The following RYR3 variants were observed in gnomAD, a reference collection of about 807,000 sequenced individuals.
The protein encoded by RYR3 is brain ryanodine receptor-calcium release channel.
RYR3 carries 207 observed loss-of-function variants against 584.3 expected under a neutral mutation model. The observed-to-expected ratio is 0.35, with a 90% CI of 0.32 to 0.40. The LOEUF (loss-of-function observed/expected upper bound fraction) is 0.40, where lower values mean the gene tolerates loss of function less well. Ranked by LOEUF, RYR3 falls within the 10% of genes least tolerant of loss-of-function variation. RYR3 has a pLI of 1.00. For missense variants in RYR3, 5,616 were observed against 6,089.2 expected (o/e 0.92, Z 2.59); for synonymous variants, 2,416 against 2,248.5 (o/e 1.07, Z -2.11).
chr15:33,701,566 T>C (rs2066303165), intron 42 of RYR3, among the ~76,000 whole-genome samples: 1 of 152,074 alleles, frequency 6.6e-6, no homozygotes, highest in Admixed American at 6.5e-5. Flanking sequence ...TCCCCATCCC[T>C]TTCTTTAAAT....
chr15:33,864,988 T>TA (rs1455655175), intron 103 of RYR3, 143 bp from the exon 104 acceptor site: 2 of 609,372 alleles, frequency 3.3e-6, no homozygotes, highest in Non-Finnish European at 5.8e-6. Flanking sequence ...GTGCTGGGAA[T>TA]AGAGCAAGAA....
chr15:33,516,965 C>T (rs566191618), intron 3 of RYR3, among the ~76,000 whole-genome samples: 1 of 152,118 alleles, frequency 6.6e-6, no homozygotes, highest in East Asian at 1.9e-4. Context: ...AAACATGTTA[C>T]CCGGTGTTCT....
rs753432367 is a variant in RYR3 at position 33,580,105 on chromosome 15, C to T, written c.1398C>T (p.Leu466=). 12 of 1,611,950 alleles carry T rather than the reference C, an allele frequency of 7.4e-6. No homozygotes were observed. The East Asian group carries it at 8.9e-5, about 12-fold the overall frequency. ...EMRHEDKQNK[L]RSLKNRQNLF... is the part of the protein sequence containing the mutation. Reference sequence around the variant, plus strand: ...GACATGAAGACAAGCAGAACAAGCTCCGCTCACTCAAAAACAGACAAAATC... The same window carrying T: ...GACATGAAGACAAGCAGAACAAGCTTCGCTCACTCAAAAACAGACAAAATC... The change falls in exon 13 of 104, where the codon CTC becomes CTT. Residue 466 remains leucine (L), a synonymous_variant. Coordinates refer to ENST00000634891, the MANE Select transcript of RYR3 (RefSeq NM_001036.6).
intron 1 of RYR3, among the ~76,000 whole-genome samples, chr15:33,351,396 C>A (rs541601373): frequency 0.023 from 3,433 of 152,218 alleles, 53 homozygotes; most frequent in Non-Finnish European, 0.036. Flanking sequence ...GGAATCCTCC[C>A]TAACTCATTT....
At chr15:33,848,179 T>C (rs1366584620) in intron 93 of RYR3, 112 bp from the exon 94 acceptor site, 10 of 1,349,288 alleles carry the variant, frequency 7.4e-6, no homozygotes, top group Non-Finnish European at 9.4e-6. Context: ...AGAATTCCAC[T>C]ATAAGGAGAT....
intron 74 of RYR3, among the ~76,000 whole-genome samples, chr15:33,814,193 A>G (rs1424219688): frequency 6.6e-6 from 1 of 152,222 alleles, no homozygotes; most frequent in South Asian, 2.1e-4. Context: ...AACATAGGGA[A>G]TAGTATCAGT....
At chr15:33,386,130 T>TA (rs1298434449) in intron 1 of RYR3, among the ~76,000 whole-genome samples, 2 of 152,216 alleles carry the variant, frequency 1.3e-5, no homozygotes, top group Admixed American at 6.5e-5. Flanking sequence ...CAATTTGTCT[T>TA]AAGGTGGTAG....
At chr15:33,524,305 G>A (rs2054236275) in intron 3 of RYR3, among the ~76,000 whole-genome samples, 1 of 152,076 alleles carries the variant, frequency 6.6e-6, no homozygotes, top group African/African-American at 2.4e-5. Context: ...CTTTTCCCAC[G>A]GTGGCATATC....
chr15:33,698,124 A>G (rs1231790454), intron 40 of RYR3, 128 bp downstream of exon 40: 1 of 685,084 alleles, frequency 1.5e-6, no homozygotes, highest in Admixed American at 2.2e-5. Flanking sequence ...AGGGATAGGC[A>G]CAGTGCCAAG....
intron 102 of RYR3, 86 bp from the exon 103 acceptor site, chr15:33,864,052 C>T (rs751498745): frequency 8.2e-5 from 82 of 1,001,170 alleles, no homozygotes; most frequent in Non-Finnish European, 1.2e-4. Flanking sequence ...ACCAACTAGC[C>T]TTTCTGAGCC....
intron 72 of RYR3, among the ~76,000 whole-genome samples, chr15:33,811,557 T>A (rs541251051): frequency 1.9e-4 from 28 of 151,166 alleles, no homozygotes; most frequent in Non-Finnish European, 2.7e-4. Flanking sequence ...TAATGTATGT[T>A]TGTTTGTTTG....
intron 13 of RYR3, among the ~76,000 whole-genome samples, chr15:33,580,765 T>C (rs2058548852): frequency 6.6e-6 from 1 of 152,194 alleles, no homozygotes; most frequent in African/African-American, 2.4e-5. Flanking sequence ...GGGCCTGCCA[T>C]GCCTGGGCAC....
chr15:33,777,760 A>G (rs539914619), intron 64 of RYR3, among the ~76,000 whole-genome samples: 1 of 147,758 alleles, frequency 6.8e-6, no homozygotes, highest in East Asian at 2.1e-4. Context: ...TCAGGAGATC[A>G]TGGTTTTAAT....
At chr15:33,810,266 T>A (rs1250371068) in intron 70 of RYR3, among the ~76,000 whole-genome samples, 1 of 152,194 alleles carries the variant, frequency 6.6e-6, no homozygotes, top group Non-Finnish European at 1.5e-5. Flanking sequence ...TCTGTGTGCA[T>A]GCGCAGAAGG....
chr15:33,662,486 G>T lies in RYR3; in HGVS notation c.4956G>T (p.Leu1652=). 1 of 1,614,048 alleles carries T rather than the reference G, an allele frequency of 6.2e-7. No individual in the cohort carries two copies. Among genetic ancestry groups the T allele is most frequent in the Non-Finnish European group, 8.5e-7 (1 of 1,179,896 alleles). Residue 1652 remains leucine, a synonymous_variant, in exon 35 of 104, where the codon CTG becomes CTT. Coordinates refer to ENST00000634891, the MANE Select transcript of RYR3 (RefSeq NM_001036.6). The part of the protein sequence containing the change: ...LFPDESKRHG[L]PGVGLRTCLK... The stretch of plus-strand genomic sequence containing the variant: ...CGGACGAGTCCAAGAGGCATGGACT[G>T]CCTGGGGTGGGCCTGAGAACATGTC...
chr15:33,342,191 A>G (rs935816604), intron 1 of RYR3, among the ~76,000 whole-genome samples: 5 of 152,238 alleles, frequency 3.3e-5, no homozygotes, highest in Non-Finnish European at 7.3e-5. Flanking sequence ...ATGTCACATG[A>G]GCACTCCTGC....
At chr15:33,454,873 G>A (rs1034724522) in intron 1 of RYR3, among the ~76,000 whole-genome samples, 6 of 152,146 alleles carry the variant, frequency 3.9e-5, no homozygotes. Context: ...GAAGAGGGCA[G>A]GAACCAGATG....
chr15:33,841,510 C>G (rs1168118942), intron 90 of RYR3, among the ~76,000 whole-genome samples: 1 of 152,102 alleles, frequency 6.6e-6, no homozygotes. Flanking sequence ...GGCCTGTGCT[C>G]AGGTCTTTTA....
intron 102 of RYR3, 47 bp downstream of exon 102, chr15:33,861,225 A>G: frequency 1.4e-6 from 2 of 1,382,330 alleles, no homozygotes; most frequent in Non-Finnish European, 2.0e-6. Context: ...TAGCGTAAAT[A>G]AAGCCAATTA....
Sources: gnomAD v4.1 joint callset for allele counts (sites outside exome capture counted in the v4.1 genomes callset) on GRCh38, gnomAD v4.1.1 for gene constraint, MANE v1.5 for transcripts, NCBI Gene and HGNC (gene_info 2026-07-23, HGNC 2026-07-21) for gene names.